Variants in VIM observed in about 807,000 individuals in gnomAD.
VIM encodes the protein vimentin.
Under a neutral mutation model 50.3 loss-of-function variants are expected in VIM, and 18 were observed. The ratio of observed to expected loss-of-function variants is 0.36; its 90% CI spans 0.25 to 0.53. The LOEUF is 0.53. Ranked by LOEUF, VIM falls within the 20% of genes least tolerant of loss-of-function variation. The pLI is 0.91. For missense variants in VIM, 551 were observed against 614.7 expected, an observed-to-expected ratio of 0.90 and a Z score of 1.10; for synonymous variants, 245 against 248.5, an observed-to-expected ratio of 0.99 and a Z score of 0.13.
At chr10:17,231,322 A>G (rs545276735) in intron 3 of VIM, among the ~76,000 whole-genome samples, 2 of 150,246 alleles carry the variant, frequency 1.3e-5, no homozygotes, top group East Asian at 1.9e-4. Flanking sequence ...CGATGGAAGT[A>G]TCACTATGCA....
chr10:17,235,816 A>T lies in VIM; in HGVS notation c.1230-30A>T, dbSNP rs561375619. Reference sequence around the variant, plus strand: ...CAGTGGTTGAAGTTATTTGCCAACAATTTTACTGTTTCTCTTCATCTGTTT... The same window carrying T: ...CAGTGGTTGAAGTTATTTGCCAACATTTTTACTGTTTCTCTTCATCTGTTT... On this transcript the variant is annotated intron_variant, in intron 7 of 9. Coordinates refer to ENST00000544301, the MANE Select transcript of VIM (RefSeq NM_003380.5). 1.4e-5 allele frequency: 23 copies of T among 1,611,368 alleles called. No individual in the cohort carries two copies. The East Asian group carries it at 4.9e-4, about 34-fold the overall frequency.
intron 3 of VIM, among the ~76,000 whole-genome samples, chr10:17,231,514 A>G (rs1010445774): frequency 3.9e-5 from 6 of 152,358 alleles, no homozygotes; most frequent in African/African-American, 1.4e-4. Context: ...AACAGGCTAC[A>G]TTCTTACTGA....
intron 2 of VIM, 105 bp from the exon 3 acceptor site, chr10:17,230,545 C>A: frequency 1.5e-6 from 2 of 1,304,994 alleles, no homozygotes; most frequent in Non-Finnish European, 2.2e-6. Context: ...GCGGAGGTGG[C>A]GCAGCTGCTC....
Position 17,228,524 on chromosome 10 carries a change from G to C in VIM, c.-148G>C, listed in dbSNP as rs1000124528. On this transcript the variant is annotated splice_region_variant and 5_prime_UTR_variant, in exon 1 of 10. Coordinates refer to ENST00000544301, the MANE Select transcript of VIM (RefSeq NM_003380.5). ...CTCAATCGGCGGGACAGCAGGGCGC[G>C]GTGAGTCACCGCCGGTGACTAAGCG... 1.3e-5 allele frequency: 2 copies of C among 152,264 alleles called. No homozygotes were observed. Among genetic ancestry groups the C allele is most frequent in the African/African-American group, 4.8e-5 (2 of 41,448 alleles). 9.4% of individuals were successfully genotyped at this position (152,264 alleles called of 1,614,324 possible). A position where few individuals can be genotyped will look rare whatever the true frequency, so the allele number is the denominator to read the frequency against.
chr10:17,235,466 G>A (rs1047267288), intron 7 of VIM, 77 bp downstream of exon 7: 1 of 1,494,708 alleles, frequency 6.7e-7, no homozygotes, highest in South Asian at 1.1e-5. Context: ...TCTAAGCAGT[G>A]TCACATTTAA....
rs1846718375 is a variant in VIM, at chr10:17,228,498, C to T, written c.-174C>T. 6.6e-6 allele frequency: 1 copy of T among 152,236 alleles called. No individual in the cohort carries two copies. Among genetic ancestry groups the T allele is most frequent in the Admixed American group, 6.5e-5 (1 of 15,286 alleles). The allele number at this position is 152,236 out of a possible 1,614,324, so 9.4% of individuals were successfully genotyped here. On this transcript the variant is annotated 5_prime_UTR_variant, in exon 1 of 10. Coordinates refer to ENST00000544301, the MANE Select transcript of VIM (RefSeq NM_003380.5). ...CGGTTTCCCCTAAACCGCTAGGAGC[C>T]CTCAATCGGCGGGACAGCAGGGCGC...
At position 17,237,243 on chromosome 10, in the gene VIM, C is replaced by A. The variant is rs771777895; in HGVS notation, c.1373C>A (p.Thr458Asn). 1.9e-6 allele frequency: 3 copies of A among 1,605,108 alleles called. No homozygotes were observed. In the Admixed American group the frequency reaches 5.1e-5, roughly 27 times the overall value. The change falls in exon 10 of 10, where the codon ACT becomes AAT. Residue 458 changes from threonine to asparagine, a missense_variant. Physicochemically the swap from Thr to Asn is moderately conservative, Grantham distance 65. This residue lies in a region of VIM where 394 missense variants were observed against 437.5 expected (regional missense o/e 0.90). Transcript: ENST00000544301. ...ETRDGQVINETSQHHDDLE is the reference protein window; with the variant it reads ...ETRDGQVINENSQHHDDLE ...TTTTTTAAACAGGTTATCAACGAAA[C>A]TTCTCAGCATCACGATGACCTTGAA...
At chr10:17,232,084 C>T (rs890345336) in intron 3 of VIM, among the ~76,000 whole-genome samples, 5 of 152,168 alleles carry the variant, frequency 3.3e-5, no homozygotes, top group African/African-American at 7.2e-5. Context: ...TACAAAAGAT[C>T]CTCTGTTTCG....
At chr10:17,233,395 T>C (rs1413661430) in intron 3 of VIM, 192 bp from the exon 4 acceptor site, 2 of 594,330 alleles carry the variant, frequency 3.4e-6, no homozygotes, top group African/African-American at 3.7e-5. Flanking sequence ...TAAAATATAT[T>C]AGTGAGCAGG....
At chr10:17,231,813 A>G (rs1773052274) in intron 3 of VIM, among the ~76,000 whole-genome samples, 1 of 151,506 alleles carries the variant, frequency 6.6e-6, no homozygotes, top group Admixed American at 6.6e-5. Context: ...GACTTACAGA[A>G]TTTTTAACTT....
At chr10:17,234,958 C>T (rs188380557) in intron 6 of VIM, 140 bp downstream of exon 6, 2 of 1,351,894 alleles carry the variant, frequency 1.5e-6, no homozygotes, top group East Asian at 5.0e-5. Context: ...AAGACAGACT[C>T]AAAAGGGACT....
intron 9 of VIM, 147 bp from the exon 10 acceptor site, chr10:17,237,083 T>C (rs2131684915): frequency 1.4e-6 from 1 of 728,302 alleles, no homozygotes; most frequent in South Asian, 1.8e-5. Flanking sequence ...CCCCTTCTAG[T>C]TTTCACTCAT....
At position 17,229,430 on chromosome 10, in the gene VIM, C is replaced by A. The variant is rs1846738793; in HGVS notation, c.8C>A (p.Thr3Asn). 4 of 1,604,692 alleles carry A rather than the reference C, an allele frequency of 2.5e-6. No homozygotes were observed. The highest frequency in any genetic ancestry group is 2.5e-6 in the Non-Finnish European group (3 of 1,178,740). The change falls in exon 2 of 10, where the codon ACC (threonine) becomes AAC (asparagine). Residue 3 changes from threonine (T) to asparagine (N), a missense_variant. Transcript: ENST00000544301. MS[T>N]RSVSSSSYRR... is the part of the protein sequence containing the mutation. The stretch of plus-strand genomic sequence containing the variant: ...TCGCCACCCTCCGCAGCCATGTCCA[C>A]CAGGTCCGTGTCCTCGTCCTCCTAC...
Position 17,229,972 on chromosome 10 carries a change from C to G in VIM, c.550C>G (p.Arg184Gly), listed in dbSNP as rs1459289381. 3 of 1,611,048 alleles carry G rather than the reference C, an allele frequency of 1.9e-6. No homozygotes were observed. The highest frequency in any genetic ancestry group is 2.5e-6 in the Non-Finnish European group (3 of 1,179,204). The change falls in exon 2 of 10, where the codon CGC becomes GGC. Residue 184 changes from arginine (R) to glycine (G), a missense_variant. By Grantham distance (125) the Arg-to-Gly change is moderately radical. Around this residue, in one of 3 missense-constraint regions of VIM, gnomAD observed 394 missense variants for 437.5 expected, o/e 0.90. Coordinates refer to ENST00000544301, the MANE Select transcript of VIM (RefSeq NM_003380.5). Reference protein sequence around the residue: ...ERDNLAEDIMRLREKLQEEML... With the variant: ...ERDNLAEDIMGLREKLQEEML... The stretch of plus-strand genomic sequence containing the variant: ...CGACAACCTGGCCGAGGACATCATG[C>G]GCCTCCGGGAGAAGTAAGGCTGCGC...
intron 9 of VIM, among the ~76,000 whole-genome samples, chr10:17,236,796 C>G (rs1846896669): frequency 6.6e-6 from 1 of 152,152 alleles, no homozygotes; most frequent in Admixed American, 6.5e-5. Context: ...CAAGCATGTG[C>G]CATACGATCA....
intron 9 of VIM, among the ~76,000 whole-genome samples, chr10:17,236,611 G>A (rs1846893408): frequency 6.6e-6 from 1 of 152,166 alleles, no homozygotes; most frequent in African/African-American, 2.4e-5. Context: ...CAGAATTAGT[G>A]ATTTGCTTTG....
chr10:17,230,456 T>C (rs1006858561), intron 2 of VIM, 194 bp from the exon 3 acceptor site: 54 of 715,820 alleles, frequency 7.5e-5, no homozygotes, highest in Admixed American at 1.9e-4. Flanking sequence ...GCCACCGTGA[T>C]TGCCCCTCTG....
At chr10:17,234,014 T>A (rs978132878) in intron 5 of VIM, 83 bp downstream of exon 5, 2 of 1,536,586 alleles carry the variant, frequency 1.3e-6, no homozygotes, top group East Asian at 4.9e-5. Context: ...TTCCTAAATA[T>A]CCTCTAGCTC....
chr10:17,235,769 A>T, intron 7 of VIM, 77 bp from the exon 8 acceptor site: 1 of 1,427,532 alleles, frequency 7.0e-7, no homozygotes, highest in Non-Finnish European at 9.9e-7. Flanking sequence ...TGACGAAAAC[A>T]AAAAGTGTGT....
Sources: gnomAD v4.1 joint callset for allele counts (sites outside exome capture counted in the v4.1 genomes callset) on GRCh38, gnomAD v4.1.1 for gene constraint, gnomAD v4.1.1 regional missense constraint, MANE v1.5 for transcripts, NCBI Gene and HGNC (gene_info 2026-07-23, HGNC 2026-07-21) for gene names.